The following POFUT3 variants were observed in gnomAD, a reference collection of about 807,000 sequenced individuals.
POFUT3 encodes GDP-fucose protein O-fucosyltransferase 3.
chr8:33,408,639 C>A, the POFUT3 span, among the ~76,000 whole-genome samples: 3 of 152,068 alleles, frequency 2.0e-5, no homozygotes. Flanking sequence ...TTTTAGTCTC[C>A]TGATTGGAAA....
chr8:33,442,206 C>T, the POFUT3 span, among the ~76,000 whole-genome samples: 1 of 152,106 alleles, frequency 6.6e-6, no homozygotes, highest in Non-Finnish European at 1.5e-5. Flanking sequence ...ACCTTGTGAT[C>T]TGCCCGCCTC....
chr8:33,373,027 T>A, the POFUT3 span, among the ~76,000 whole-genome samples: 1 of 152,178 alleles, frequency 6.6e-6, no homozygotes, highest in Non-Finnish European at 1.5e-5. Context: ...AAAAGTTACA[T>A]AAATTGCCCC....
At chr8:33,418,824 T>C in the POFUT3 span, among the ~76,000 whole-genome samples, 2 of 152,170 alleles carry the variant, frequency 1.3e-5, no homozygotes, top group Non-Finnish European at 2.9e-5. Context: ...ACGGAATCAA[T>C]CTAAGTGTCC....
At chr8:33,316,927 T>C in the POFUT3 span, among the ~76,000 whole-genome samples, 3 of 152,066 alleles carry the variant, frequency 2.0e-5, no homozygotes, top group Admixed American at 1.3e-4. Flanking sequence ...TGATTCTCCA[T>C]TTAAAGGCAA....
At chr8:33,466,386 G>A in the POFUT3 span, among the ~76,000 whole-genome samples, 1 of 151,952 alleles carries the variant, frequency 6.6e-6, no homozygotes, top group Admixed American at 6.6e-5. Context: ...CCATGATTAT[G>A]CCACTGTACT....
the POFUT3 span, among the ~76,000 whole-genome samples, chr8:33,427,618 T>C: frequency 1.3e-5 from 2 of 152,002 alleles, no homozygotes; most frequent in African/African-American, 2.4e-5. Context: ...TATCTTGCTA[T>C]AACCAGTAAT....
chr8:33,347,064 T>C, the POFUT3 span, among the ~76,000 whole-genome samples: 1 of 152,166 alleles, frequency 6.6e-6, no homozygotes, highest in African/African-American at 2.4e-5. Flanking sequence ...CACTTAGCAA[T>C]ACAGCCTATG....
chr8:33,448,245 C>T, the POFUT3 span, among the ~76,000 whole-genome samples: 3 of 151,846 alleles, frequency 2.0e-5, no homozygotes, highest in Non-Finnish European at 4.4e-5. Context: ...ACTCAGGAAG[C>T]TGAGGCAGGA....
chr8:33,385,712 T>A, the POFUT3 span, among the ~76,000 whole-genome samples: 1 of 149,942 alleles, frequency 6.7e-6, no homozygotes, highest in African/African-American at 2.5e-5. Flanking sequence ...TGAAACCCCA[T>A]CTGTACTAAA....
chr8:33,422,918 C>T, the POFUT3 span, among the ~76,000 whole-genome samples: 1 of 152,052 alleles, frequency 6.6e-6, no homozygotes, highest in African/African-American at 2.4e-5. Context: ...CAGCCTCAAG[C>T]AATGCTCCCA....
At chr8:33,321,374 T>C in the POFUT3 span, among the ~76,000 whole-genome samples, 1 of 152,082 alleles carries the variant, frequency 6.6e-6, no homozygotes. Context: ...CCAAAATGGC[T>C]TTTTCACTCA....
the POFUT3 span, among the ~76,000 whole-genome samples, chr8:33,426,482 G>C: frequency 6.6e-6 from 1 of 152,192 alleles, no homozygotes; most frequent in African/African-American, 2.4e-5. Context: ...ATTGTTCATT[G>C]ACAAGCTTAC....
At chr8:33,330,834 T>C in the POFUT3 span, among the ~76,000 whole-genome samples, 1 of 152,206 alleles carries the variant, frequency 6.6e-6, no homozygotes, top group East Asian at 1.9e-4. Context: ...AGGCGTGCCA[T>C]GGTGTTTCAC....
the POFUT3 span, among the ~76,000 whole-genome samples, chr8:33,394,539 A>G: frequency 3.3e-5 from 5 of 152,188 alleles, no homozygotes; most frequent in African/African-American, 1.2e-4. Context: ...CACATGCTGA[A>G]CCAACACTGT....
chr8:33,429,565 A>G, the POFUT3 span, among the ~76,000 whole-genome samples: 7 of 152,284 alleles, frequency 4.6e-5, no homozygotes, highest in East Asian at 1.3e-3. Context: ...GCAGAAATGC[A>G]TGAAGCAATT....
the POFUT3 span, among the ~76,000 whole-genome samples, chr8:33,380,217 A>ATATATATATAC: frequency 3.9e-5 from 2 of 51,564 alleles, no homozygotes; most frequent in Admixed American, 2.7e-4. Flanking sequence ...TATATATACT[A>ATATATATATAC]TATATATATA....
At chr8:33,392,190 C>A in the POFUT3 span, among the ~76,000 whole-genome samples, 1 of 152,184 alleles carries the variant, frequency 6.6e-6, no homozygotes, top group Non-Finnish European at 1.5e-5. Context: ...CACAACCACA[C>A]ATGCGTGCGC....
chr8:33,373,634 T>C, the POFUT3 span, among the ~76,000 whole-genome samples: 1 of 151,686 alleles, frequency 6.6e-6, no homozygotes, highest in Non-Finnish European at 1.5e-5. Flanking sequence ...ATGTTCAGGA[T>C]TTGACCTTCC....
At chr8:33,440,002 G>T in the POFUT3 span, among the ~76,000 whole-genome samples, 1 of 151,936 alleles carries the variant, frequency 6.6e-6, no homozygotes, top group Admixed American at 6.6e-5. Context: ...CCTTCAAACT[G>T]CTTCCTCTTC....
Sources: gnomAD v4.1 joint callset for allele counts (sites outside exome capture counted in the v4.1 genomes callset) on GRCh38, gnomAD v4.1.1 for gene constraint, MANE v1.5 for transcripts, NCBI Gene and HGNC (gene_info 2026-07-23, HGNC 2026-07-21) for gene names.